EML6: variants seen among roughly 807,000 people sequenced by gnomAD.
The protein encoded by EML6 is echinoderm microtubule-associated protein-like 6.
EML6 carries 154 observed loss-of-function variants against 240.1 expected under a neutral mutation model. That is an observed-to-expected ratio of 0.64 (90% CI 0.56 to 0.73). The LOEUF (loss-of-function observed/expected upper bound fraction) is 0.73, where lower values mean the gene tolerates loss of function less well. EML6 is among the 30% of genes least tolerant of loss of function. The pLI, the probability that EML6 is intolerant of heterozygous loss-of-function variation, is 0.00. For missense variants in EML6, 2,964 were observed against 2,474.6 expected, an observed-to-expected ratio of 1.20 and a Z score of -4.20; for synonymous variants, 1,148 against 899.0, an observed-to-expected ratio of 1.28 and a Z score of -4.95.
chr2:54,885,251 C>G (rs1050605078), intron 17 of EML6, among the ~76,000 whole-genome samples: 26 of 151,938 alleles, frequency 1.7e-4, no homozygotes, highest in African/African-American at 6.3e-4. Flanking sequence ...TTGAGACCAG[C>G]CTGACCAACA....
At chr2:54,959,338 T>G (rs1212690394) in intron 34 of EML6, 77 bp downstream of exon 34, 15 of 1,367,598 alleles carry the variant, frequency 1.1e-5, no homozygotes, top group Non-Finnish European at 1.5e-5. Flanking sequence ...GTTCCCAACT[T>G]GGAGAAAATG....
intron 22 of EML6, 65 bp from the exon 23 acceptor site, chr2:54,902,979 T>C (rs1358473946): frequency 7.0e-7 from 1 of 1,435,148 alleles, no homozygotes; most frequent in East Asian, 2.5e-5. Flanking sequence ...TTCTTCATCT[T>C]TTCATGTGGT....
At chr2:54,874,193 C>A (rs1671392990) in intron 16 of EML6, among the ~76,000 whole-genome samples, 1 of 152,040 alleles carries the variant, frequency 6.6e-6, no homozygotes, top group South Asian at 2.1e-4. Flanking sequence ...AAGCTGGTAC[C>A]CAGTAATGTG....
Position 54,950,656 on chromosome 2 carries a change from G to C in EML6, c.4090G>C (p.Ala1364Pro). ...TCTGTGTGTGTGAATGCAGGAGCTG[G>C]CTCTAGACCACGTGTTTGGCTACAG... ...TKKKKLVEEL[A>P]LDHVFGYRGF... Residue 1364 changes from alanine to proline, a missense_variant, in exon 30 of 42, where the codon GCT (alanine) becomes CCT (proline). Transcript: ENST00000356458. 6.4e-7 allele frequency: 1 copy of C among 1,551,608 alleles called. No homozygotes were observed. The highest frequency in any genetic ancestry group is 1.2e-5 in the South Asian group (1 of 84,054).
chr2:54,926,861 T>C (rs1408456895), intron 26 of EML6, among the ~76,000 whole-genome samples: 2 of 152,200 alleles, frequency 1.3e-5, no homozygotes, highest in Admixed American at 6.5e-5. Context: ...AACCTTTCTT[T>C]TTGCATTTTT....
intron 41 of EML6, among the ~76,000 whole-genome samples, chr2:54,969,254 A>G (rs1172611986): frequency 6.6e-6 from 1 of 152,176 alleles, no homozygotes; most frequent in African/African-American, 2.4e-5. Context: ...CAGCTTCCCC[A>G]TTTCTGATGA....
chr2:54,874,927 C>T (rs1363328699), intron 16 of EML6, among the ~76,000 whole-genome samples: 1 of 152,164 alleles, frequency 6.6e-6, no homozygotes, highest in Non-Finnish European at 1.5e-5. Context: ...GAACCCAGGT[C>T]CATTGTGAGA....
At chr2:54,951,874 C>A (rs977609316) in intron 30 of EML6, among the ~76,000 whole-genome samples, 1 of 152,130 alleles carries the variant, frequency 6.6e-6, no homozygotes, top group Non-Finnish European at 1.5e-5. Context: ...TCTAGCCTTG[C>A]CATCATATTG....
intron 2 of EML6, among the ~76,000 whole-genome samples, chr2:54,803,175 AC>A (rs1670274141): frequency 6.6e-6 from 1 of 152,194 alleles, no homozygotes; most frequent in Non-Finnish European, 1.5e-5. Context: ...CAAGAGCAAA[AC>A]AAAAGCCAGA....
chr2:54,931,154 T>C (rs1674839446), intron 28 of EML6, among the ~76,000 whole-genome samples: 2 of 151,986 alleles, frequency 1.3e-5, no homozygotes, highest in Admixed American at 1.3e-4. Context: ...AGACGGGGTT[T>C]CACCGTGTTA....
chr2:54,966,548 A>G (rs960418425), intron 38 of EML6, among the ~76,000 whole-genome samples: 3 of 152,144 alleles, frequency 2.0e-5, no homozygotes, highest in African/African-American at 7.2e-5. Context: ...TCCATGAGAA[A>G]CCTGCCTTAC....
At chr2:54,839,324 C>G (rs895548744) in intron 7 of EML6, among the ~76,000 whole-genome samples, 1 of 152,226 alleles carries the variant, frequency 6.6e-6, no homozygotes, top group African/African-American at 2.4e-5. Flanking sequence ...CAGCTTTTGA[C>G]ACACTGATGT....
Position 54,950,661 on chromosome 2 carries a change from A to G in EML6, c.4095A>G (p.Leu1365=), listed in dbSNP as rs1675928950. The G allele has an allele frequency of 5.8e-6, 9 of 1,551,636 alleles. No individual in the cohort carries two copies. The highest frequency in any genetic ancestry group is 5.2e-6 in the Non-Finnish European group (6 of 1,146,964). The change falls in exon 30 of 42, where the codon CTA becomes CTG. Residue 1365 remains leucine (L), a synonymous_variant. Coordinates refer to ENST00000356458, the MANE Select transcript of EML6 (RefSeq NM_001039753.4). ...GTGTGTGAATGCAGGAGCTGGCTCT[A>G]GACCACGTGTTTGGCTACAGAGGTT... ...KKKKLVEELA[L]DHVFGYRGFD...
At chr2:54,843,978 G>GTA (rs1237484053) in intron 7 of EML6, 69 bp from the exon 8 acceptor site, 1 of 931,144 alleles carries the variant, frequency 1.1e-6, no homozygotes, top group Admixed American at 2.0e-5. Flanking sequence ...GTGTGTGTGT[G>GTA]TGTGTGTGTG....
At chr2:54,892,177 T>A (rs1672506916) in intron 18 of EML6, among the ~76,000 whole-genome samples, 2 of 152,182 alleles carry the variant, frequency 1.3e-5, no homozygotes. Flanking sequence ...CCAGCCAGAC[T>A]CTGAGTTCCT....
chr2:54,969,815 C>A (rs964265599), intron 41 of EML6, among the ~76,000 whole-genome samples: 3 of 152,120 alleles, frequency 2.0e-5, no homozygotes, highest in Non-Finnish European at 4.4e-5. Context: ...GCCAGAAGTC[C>A]TCACGGACCA....
intron 2 of EML6, among the ~76,000 whole-genome samples, chr2:54,812,538 T>A (rs200629430): frequency 7.0e-6 from 1 of 143,850 alleles, no homozygotes; most frequent in South Asian, 2.2e-4. Context: ...TTTTTTTTTT[T>A]AATCTAGGAA....
At chr2:54,744,089 C>T (rs995657603) in intron 2 of EML6, among the ~76,000 whole-genome samples, 1 of 143,894 alleles carries the variant, frequency 6.9e-6, no homozygotes, top group Non-Finnish European at 1.5e-5. Context: ...CAATTCTGGG[C>T]ATTTACATTG....
intron 2 of EML6, among the ~76,000 whole-genome samples, chr2:54,753,910 G>C (rs575343653): frequency 1.5e-4 from 23 of 152,090 alleles, no homozygotes; most frequent in Admixed American, 3.3e-4. Context: ...ACCAAGGCGG[G>C]TGGATCACGA....
Sources: allele counts gnomAD v4.1 joint callset (sites outside exome capture counted in the v4.1 genomes callset), GRCh38; gene constraint gnomAD v4.1.1; transcripts MANE v1.5; gene names NCBI Gene and HGNC (gene_info 2026-07-23, HGNC 2026-07-21).